The following AUTS2 variants were observed in gnomAD, a reference collection of about 807,000 sequenced individuals.
AUTS2 encodes autism susceptibility gene 2 protein.
In AUTS2, 17 loss-of-function variants were observed where a neutral mutation model predicts 112.4. The ratio of observed to expected loss-of-function variants is 0.15; its 90% confidence interval spans 0.10 to 0.23. The LOEUF (loss-of-function observed/expected upper bound fraction) is 0.23. AUTS2 is among the 10% of genes least tolerant of loss of function. The probability of loss-of-function intolerance (pLI) is 1.00; values close to 1 mark genes in which losing one functional copy is unlikely to be tolerated. For synonymous variants in AUTS2, 751 were observed against 702.7 expected (o/e 1.07, Z -1.09); for missense variants, 1,510 against 1,701.6 (o/e 0.89, Z 1.98).
At chr7:70,728,256 C>G (rs1467848961) in intron 6 of AUTS2, among the ~76,000 whole-genome samples, 1 of 152,128 alleles carries the variant, frequency 6.6e-6, no homozygotes, top group Non-Finnish European at 1.5e-5. Flanking sequence ...GCATATAATT[C>G]TTTTTAAATG....
At position 69,600,053 on chromosome 7, in the gene AUTS2, G is replaced by GCTGTCTGTCTGT. The variant is rs113411804; in HGVS notation, c.309+114_309+125dup. The GCTGTCTGTCTGT allele has an allele frequency of 3.5e-4, 436 of 1,259,614 alleles. 2 individuals are homozygous for GCTGTCTGTCTGT. The African/African-American group carries it at 4.1e-3, about 12-fold the overall frequency. 78.0% of individuals were successfully genotyped at this position (1,259,614 alleles called of 1,614,324 possible). On this transcript the variant is annotated intron_variant, in intron 1 of 18. Transcript: ENST00000342771. The stretch of plus-strand genomic sequence containing the variant: ...TCCTGCCTCCCTCGCCGCGCTCCGG[G>GCTGTCTGTCTGT]CTGTCTGTCTGTCTGTCTGTCTGTC...
intron 2 of AUTS2, among the ~76,000 whole-genome samples, chr7:69,996,624 TCG>T (rs1026080896): frequency 3.9e-5 from 6 of 152,134 alleles, no homozygotes; most frequent in Non-Finnish European, 5.9e-5. Flanking sequence ...CTTCTTACTC[TCG>T]CCCACCCGCT....
At chr7:70,468,233 A>T (rs755449017) in intron 5 of AUTS2, among the ~76,000 whole-genome samples, 9 of 152,176 alleles carry the variant, frequency 5.9e-5, no homozygotes, top group African/African-American at 7.2e-5. Context: ...CCTAAGGATA[A>T]GTAGGGTTTT....
At chr7:70,606,777 G>A (rs544274013) in intron 5 of AUTS2, among the ~76,000 whole-genome samples, 33 of 151,496 alleles carry the variant, frequency 2.2e-4, no homozygotes, top group South Asian at 6.3e-4. Flanking sequence ...CAGGAGAATC[G>A]CTTGTACCTG....
chr7:70,724,933 A>T (rs1016405661), intron 6 of AUTS2, among the ~76,000 whole-genome samples: 1 of 152,212 alleles, frequency 6.6e-6, no homozygotes, highest in Admixed American at 6.5e-5. Flanking sequence ...GAGAAACACT[A>T]GGACGTTAAA....
At chr7:69,984,935 A>C (rs571302478) in intron 2 of AUTS2, among the ~76,000 whole-genome samples, 8 of 152,192 alleles carry the variant, frequency 5.3e-5, no homozygotes, top group African/African-American at 1.9e-4. Context: ...ATTTAGAATA[A>C]TGGTTAGTTA....
chr7:70,729,194 C>T (rs1410170440), intron 6 of AUTS2: 3 of 456,512 alleles, frequency 6.6e-6, no homozygotes, highest in South Asian at 4.6e-5. Flanking sequence ...GGGGGTGGGG[C>T]TTGGAGCTCC....
chr7:69,817,932 C>A (rs953633720), intron 1 of AUTS2, among the ~76,000 whole-genome samples: 3 of 152,130 alleles, frequency 2.0e-5, no homozygotes, highest in Non-Finnish European at 2.9e-5. Context: ...CCTAGAGAGA[C>A]CCACAGCATG....
chr7:69,651,883 G>A (rs1193647978), intron 1 of AUTS2, among the ~76,000 whole-genome samples: 2 of 152,212 alleles, frequency 1.3e-5, no homozygotes, highest in Non-Finnish European at 1.5e-5. Context: ...TGCCAGGTCT[G>A]CACTAATTTC....
At chr7:69,606,698 C>G (rs1792737873) in intron 1 of AUTS2, among the ~76,000 whole-genome samples, 1 of 152,018 alleles carries the variant, frequency 6.6e-6, no homozygotes, top group South Asian at 2.1e-4. Context: ...TGAAAAGATT[C>G]AGGTAGATTT....
rs76090682 is a variant in AUTS2 at position 70,107,040 on chromosome 7, G to T, written c.523-11092G>T. 8.2e-3 allele frequency among the ~76,000 whole-genome samples: 1,252 copies of T among 152,172 alleles called. 7 individuals are homozygous for T. The highest frequency in any genetic ancestry group is 0.034 in the Middle Eastern group (10 of 294). ...CTAAGAGAGCTATTAACTTTTCTTG[G>T]TAGTGGTTTTTGACCTTTTGCTGAA... On this transcript the variant is annotated intron_variant, in intron 2 of 18. Transcript: ENST00000342771.
intron 6 of AUTS2, among the ~76,000 whole-genome samples, chr7:70,736,603 A>G (rs1198396915): frequency 2.6e-5 from 4 of 152,108 alleles, no homozygotes; most frequent in Non-Finnish European, 4.4e-5. Context: ...AAATTAGTTG[A>G]ATGTTCATCC....
At chr7:69,947,896 A>G (rs1268320479) in intron 2 of AUTS2, among the ~76,000 whole-genome samples, 1 of 152,186 alleles carries the variant, frequency 6.6e-6, no homozygotes, top group Admixed American at 6.6e-5. Context: ...GCTCAGAGAG[A>G]TTAAGTAACT....
intron 1 of AUTS2, among the ~76,000 whole-genome samples, chr7:69,684,549 G>A (rs938159772): frequency 2.0e-5 from 3 of 152,170 alleles, no homozygotes; most frequent in Non-Finnish European, 2.9e-5. Context: ...CCTCTGAGCC[G>A]GGTGTAGCTT....
intron 5 of AUTS2, among the ~76,000 whole-genome samples, chr7:70,575,075 G>A (rs1231802069): frequency 1.3e-5 from 2 of 152,228 alleles, no homozygotes; most frequent in East Asian, 3.8e-4. Context: ...AGAAAGGGAT[G>A]TGTCAGGACT....
At chr7:69,709,304 A>G (rs1406869188) in intron 1 of AUTS2, among the ~76,000 whole-genome samples, 1 of 152,170 alleles carries the variant, frequency 6.6e-6, no homozygotes, top group East Asian at 1.9e-4. Flanking sequence ...TCCTATGTGA[A>G]TCACAGAAAG....
At chr7:70,688,429 T>G (rs1461618462) in intron 5 of AUTS2, among the ~76,000 whole-genome samples, 1 of 152,178 alleles carries the variant, frequency 6.6e-6, no homozygotes, top group East Asian at 1.9e-4. Flanking sequence ...TTATTTATAC[T>G]GCTGCTGTGG....
chr7:70,397,586 GAA>G (rs1794143648), intron 4 of AUTS2, among the ~76,000 whole-genome samples: 1 of 151,386 alleles, frequency 6.6e-6, no homozygotes, highest in Non-Finnish European at 1.5e-5. Context: ...TATTGTTTAA[GAA>G]ATAATCTAAA....
chr7:70,134,749 G>A (rs2129574877), intron 4 of AUTS2, among the ~76,000 whole-genome samples, 178 bp downstream of exon 4: 2 of 152,222 alleles, frequency 1.3e-5, no homozygotes, highest in East Asian at 3.9e-4. Flanking sequence ...AGCCTGCTGG[G>A]CCCTAGGGAT....
Sources: gnomAD v4.1 joint callset for allele counts (sites outside exome capture counted in the v4.1 genomes callset) on GRCh38, gnomAD v4.1.1 for gene constraint, MANE v1.5 for transcripts, NCBI Gene and HGNC (gene_info 2026-07-23, HGNC 2026-07-21) for gene names.